C12orf75: variants seen among roughly 807,000 people sequenced by gnomAD.
C12orf75 encodes the protein overexpressed in colon carcinoma 1 protein.
C12orf75 carries 4 observed loss-of-function variants against 11.4 expected under a neutral mutation model. The ratio of observed to expected loss-of-function variants is 0.35; its 90% CI spans 0.17 to 0.80. The LOEUF (loss-of-function observed/expected upper bound fraction) is 0.80. Among genes scored for constraint, C12orf75 ranks in the 30% least tolerant of loss-of-function variants. The pLI, the probability that C12orf75 is intolerant of heterozygous loss-of-function variation, is 0.52. For missense variants in C12orf75, 89 were observed against 80.4 expected, an observed-to-expected ratio of 1.11 and a Z score of -0.41; for synonymous variants, 30 against 30.0, an observed-to-expected ratio of 1.00 and a Z score of 0.00.
chr12:105,358,221 T>A (rs961092001), intron 2 of C12orf75, among the ~76,000 whole-genome samples: 3 of 152,098 alleles, frequency 2.0e-5, no homozygotes, highest in African/African-American at 7.2e-5. Context: ...TCCTGTGGTT[T>A]AAAAGGTTTT....
intron 2 of C12orf75, among the ~76,000 whole-genome samples, chr12:105,351,587 G>A (rs561256233): frequency 6.6e-6 from 1 of 152,304 alleles, no homozygotes; most frequent in East Asian, 1.9e-4. Context: ...AATTATTCCA[G>A]TGTTCAGAAT....
chr12:105,365,933 G>T, intron 3 of C12orf75, 91 bp downstream of exon 3: 2 of 839,948 alleles, frequency 2.4e-6, no homozygotes, highest in South Asian at 2.9e-5. Flanking sequence ...CAATAACACA[G>T]ATTCTGCCAG....
intron 2 of C12orf75, among the ~76,000 whole-genome samples, chr12:105,349,331 C>A (rs1415922165): frequency 6.6e-6 from 1 of 152,224 alleles, no homozygotes; most frequent in African/African-American, 2.4e-5. Context: ...AAGACTGATT[C>A]ACCACATCTC....
chr12:105,371,500 A>G lies in C12orf75; in HGVS notation c.*900A>G, dbSNP rs1871626468. Reference sequence around the variant, plus strand: ...TCACCAATGTATTTCAACAATTAAAACATTTTTATCCCTCTTCACTTACAT... The same window carrying G: ...TCACCAATGTATTTCAACAATTAAAGCATTTTTATCCCTCTTCACTTACAT... On this transcript the variant is annotated 3_prime_UTR_variant, in exon 6 of 6. Transcript: ENST00000443585. 1 of 152,230 alleles carries G rather than the reference A, an allele frequency of 6.6e-6. No individual in the cohort carries two copies. Among genetic ancestry groups the G allele is most frequent in the Non-Finnish European group, 1.5e-5 (1 of 68,040 alleles). The allele number at this position is 152,230 out of a possible 1,614,324, so 9.4% of individuals were successfully genotyped here. A position where few individuals can be genotyped will look rare whatever the true frequency, so the allele number is the denominator to read the frequency against.
intron 2 of C12orf75, among the ~76,000 whole-genome samples, chr12:105,356,663 A>C (rs1460876185): frequency 1.3e-5 from 2 of 152,140 alleles, no homozygotes; most frequent in African/African-American, 4.8e-5. Flanking sequence ...CTGCTATCTC[A>C]TATTTGTCAT....
At chr12:105,366,367 T>C (rs1340419517) in intron 3 of C12orf75, 2 of 350,688 alleles carry the variant, frequency 5.7e-6, no homozygotes, top group Non-Finnish European at 1.0e-5. Context: ...TCTTTTCTTC[T>C]TTCTCATTAC....
intron 5 of C12orf75, 91 bp downstream of exon 5, chr12:105,367,600 A>T (rs1304722509): frequency 1.1e-5 from 4 of 354,108 alleles, no homozygotes; most frequent in Non-Finnish European, 2.1e-5. Context: ...AATTTCTAAG[A>T]AATCTTGAAC....
chr12:105,354,220 C>G (rs1180379884), intron 2 of C12orf75, among the ~76,000 whole-genome samples: 2 of 152,066 alleles, frequency 1.3e-5, no homozygotes, highest in African/African-American at 2.4e-5. Flanking sequence ...GTTTAAAATC[C>G]CCTTCACCAT....
intron 1 of C12orf75, among the ~76,000 whole-genome samples, chr12:105,334,486 T>C (rs1000764808): frequency 2.0e-5 from 3 of 152,202 alleles, no homozygotes; most frequent in African/African-American, 7.2e-5. Context: ...GCATTTTGAG[T>C]ACACAAAAGC....
intron 1 of C12orf75, among the ~76,000 whole-genome samples, chr12:105,341,417 G>A (rs1347180819): frequency 1.3e-5 from 2 of 152,040 alleles, no homozygotes; most frequent in African/African-American, 4.8e-5. Flanking sequence ...TTAGTGGGTC[G>A]GTCCCACAAG....
At chr12:105,355,063 C>G (rs944464523) in intron 2 of C12orf75, among the ~76,000 whole-genome samples, 1 of 151,828 alleles carries the variant, frequency 6.6e-6, no homozygotes, top group Admixed American at 6.6e-5. Context: ...CATGGAGCAG[C>G]CATCGGAGTA....
intron 2 of C12orf75, among the ~76,000 whole-genome samples, chr12:105,353,182 G>T (rs576237455): frequency 6.6e-6 from 1 of 152,360 alleles, no homozygotes; most frequent in Admixed American, 6.5e-5. Flanking sequence ...GGACTTGGCT[G>T]TAGTCACAGC....
intron 1 of C12orf75, among the ~76,000 whole-genome samples, chr12:105,337,904 C>T (rs1892516662): frequency 6.6e-6 from 1 of 151,996 alleles, no homozygotes; most frequent in Non-Finnish European, 1.5e-5. Context: ...GTTTTCCTTG[C>T]TTCAAAGTGT....
intron 1 of C12orf75, among the ~76,000 whole-genome samples, chr12:105,334,563 A>G (rs755236076): frequency 2.0e-5 from 3 of 152,216 alleles, no homozygotes; most frequent in Non-Finnish European, 4.4e-5. Context: ...CCAACCTGCA[A>G]CTATATAAAG....
intron 1 of C12orf75, among the ~76,000 whole-genome samples, chr12:105,341,191 G>A (rs1229410371): frequency 1.3e-5 from 2 of 152,200 alleles, no homozygotes; most frequent in African/African-American, 2.4e-5. Context: ...AATAAACACA[G>A]CATGATGCAA....
intron 1 of C12orf75, among the ~76,000 whole-genome samples, chr12:105,334,558 C>A (rs35519603): frequency 6.6e-6 from 1 of 152,078 alleles, no homozygotes; most frequent in African/African-American, 2.4e-5. Flanking sequence ...TTTTCCCAAC[C>A]TGCAACTATA....
At position 105,348,630 on chromosome 12, in the gene C12orf75, A is replaced by C; in HGVS notation, c.71+4A>C. 4 of 1,533,628 alleles carry C rather than the reference A, an allele frequency of 2.6e-6. No homozygotes were observed. In the South Asian group the frequency reaches 4.9e-5, roughly 19 times the overall value. On this transcript the variant is annotated splice_donor_region_variant and intron_variant, in intron 2 of 5. Coordinates refer to ENST00000443585, the MANE Select transcript of C12orf75 (RefSeq NM_001145199.2). ...CTGCAGGAGCAGCCAAAGATGTGTA[A>C]GTATTGAATATTAATGATTTTATAA... is the stretch of plus-strand genomic sequence containing the variant.
In C12orf75 at chr12:105,330,957, G is replaced by A; in HGVS notation, c.46+20G>A. 1 of 1,205,036 alleles carries A rather than the reference G, an allele frequency of 8.3e-7. No individual in the cohort carries two copies. Among genetic ancestry groups the A allele is most frequent in the Non-Finnish European group, 1.0e-6 (1 of 964,036 alleles). 74.6% of individuals were successfully genotyped at this position (1,205,036 alleles called of 1,614,324 possible). A position where few individuals can be genotyped will look rare whatever the true frequency, so the allele number is the denominator to read the frequency against. On this transcript the variant is annotated intron_variant, in intron 1 of 5. Transcript: ENST00000443585. Reference sequence around the variant, plus strand: ...GCCAAGGTGAGTCCGGCGGGAGGCGGGGGCCGGCGGGGGCGGGCGGGAGAG... The same window carrying A: ...GCCAAGGTGAGTCCGGCGGGAGGCGAGGGCCGGCGGGGGCGGGCGGGAGAG...
intron 1 of C12orf75, among the ~76,000 whole-genome samples, chr12:105,339,126 T>G (rs1205785753): frequency 6.6e-6 from 1 of 152,212 alleles, no homozygotes; most frequent in Non-Finnish European, 1.5e-5. Context: ...GAGCTGTTGT[T>G]CCATTTCTTT....
Sources: allele counts gnomAD v4.1 joint callset (sites outside exome capture counted in the v4.1 genomes callset), GRCh38; gene constraint gnomAD v4.1.1; transcripts MANE v1.5; gene names NCBI Gene and HGNC (gene_info 2026-07-23, HGNC 2026-07-21).